The following MMD2 variants were observed in gnomAD, a reference collection of about 807,000 sequenced individuals.
The protein encoded by MMD2 is monocyte to macrophage differentiation factor 2.
MMD2 carries 30 observed loss-of-function variants against 33.5 expected under a neutral mutation model. The ratio of observed to expected loss-of-function variants is 0.90; its 90% CI spans 0.67 to 1.22. MMD2 has a LOEUF of 1.22. Ranked by LOEUF, MMD2 falls within the 50% of genes most tolerant of loss-of-function variation. The probability of loss-of-function intolerance (pLI) is 0.00; values close to 1 mark genes in which losing one functional copy is unlikely to be tolerated. For missense variants in MMD2, 364 were observed against 325.4 expected (o/e 1.12, Z -0.91); for synonymous variants, 129 against 123.0 (o/e 1.05, Z -0.32).
the MMD2 span, among the ~76,000 whole-genome samples, chr7:4,896,288 T>C: frequency 6.6e-6 from 1 of 152,122 alleles, no homozygotes; most frequent in South Asian, 2.1e-4. Flanking sequence ...GAGACCAGCC[T>C]GGGCAACATG....
intron 6 of MMD2, 115 bp from the exon 7 acceptor site, chr7:4,907,714 A>T (rs747616273): frequency 3.1e-5 from 29 of 928,126 alleles, no homozygotes; most frequent in Non-Finnish European, 4.5e-5. Context: ...AAACCAGCCC[A>T]GACTCCCAGG....
intron 1 of MMD2, among the ~76,000 whole-genome samples, chr7:4,949,479 C>T (rs752098224): frequency 1.3e-5 from 2 of 151,880 alleles, no homozygotes; most frequent in Non-Finnish European, 2.9e-5. Context: ...AGAATGATCT[C>T]CAGTTCCATC....
chr7:4,899,531 G>A, the MMD2 span, among the ~76,000 whole-genome samples: 2 of 152,036 alleles, frequency 1.3e-5, no homozygotes, highest in African/African-American at 2.4e-5. Flanking sequence ...GGGATTACAG[G>A]CATAAGCCAC....
intron 1 of MMD2, among the ~76,000 whole-genome samples, chr7:4,953,670 C>T (rs1021921596): frequency 6.6e-6 from 1 of 151,704 alleles, no homozygotes; most frequent in Non-Finnish European, 1.5e-5. Context: ...AGGGTTTCAC[C>T]ATGTTGGTCA....
the MMD2 span, among the ~76,000 whole-genome samples, chr7:4,898,015 G>A: frequency 1.3e-4 from 20 of 152,170 alleles, no homozygotes; most frequent in African/African-American, 4.6e-4. Flanking sequence ...TGGGATTACA[G>A]GTGTGAGCCA....
At chr7:4,918,161 A>C (rs929225999) in intron 3 of MMD2, among the ~76,000 whole-genome samples, 2 of 152,174 alleles carry the variant, frequency 1.3e-5, no homozygotes, top group Admixed American at 6.6e-5. Context: ...CACAGACTGG[A>C]GCCACACAGC....
chr7:4,921,743 T>C (rs1224490025), intron 2 of MMD2, among the ~76,000 whole-genome samples: 3 of 151,214 alleles, frequency 2.0e-5, no homozygotes, highest in Non-Finnish European at 2.9e-5. Context: ...AGGAAAGAGG[T>C]ATCCCGCTAG....
chr7:4,935,373 G>A (rs560572534), intron 1 of MMD2, among the ~76,000 whole-genome samples: 6 of 150,782 alleles, frequency 4.0e-5, no homozygotes, highest in African/African-American at 1.5e-4. Context: ...AAATACTGAC[G>A]ACTGGGCTCC....
Position 4,939,213 on chromosome 7 carries a change from C to CA in MMD2, c.48-13682dup, listed in dbSNP as rs537928057. On this transcript the variant is annotated intron_variant, in intron 1 of 6. Coordinates refer to ENST00000401401, the MANE Select transcript of MMD2 (RefSeq NM_198403.4). ...CGAGACTCCGTCTCAAAAAAAAACCCAAAAAAAACAAAGTTGAGGAGGGGA... is the reference window on the plus strand; with the variant it reads ...CGAGACTCCGTCTCAAAAAAAAACCCAAAAAAAAACAAAGTTGAGGAGGGGA... 2.6e-4 allele frequency among the ~76,000 whole-genome samples: 38 copies of CA among 145,940 alleles called. No individual in the cohort carries two copies. In the South Asian group the frequency reaches 2.7e-3, roughly 10 times the overall value.
chr7:4,903,054 A>G (rs995764816), downstream of MMD2, among the ~76,000 whole-genome samples: 3 of 152,226 alleles, frequency 2.0e-5, no homozygotes, highest in African/African-American at 4.8e-5. Flanking sequence ...CCTGGCCAAC[A>G]TGGTGAAACC....
At chr7:4,913,718 C>T (rs1223030327) in intron 4 of MMD2, among the ~76,000 whole-genome samples, 1 of 87,408 alleles carries the variant, frequency 1.1e-5, no homozygotes, top group Non-Finnish European at 2.0e-5. Context: ...AACTCTATCT[C>T]GGCAAAAAAA....
At chr7:4,939,607 T>G (rs770330719) in intron 1 of MMD2, among the ~76,000 whole-genome samples, 19 of 152,108 alleles carry the variant, frequency 1.2e-4, no homozygotes, top group Non-Finnish European at 2.6e-4. Flanking sequence ...CATAGAAATA[T>G]TCACACAATG....
At position 4,906,428 on chromosome 7, in the gene MMD2, G is replaced by C. The variant is rs1041350680; in HGVS notation, c.*968C>G. 3 of 398,510 alleles carry C rather than the reference G, an allele frequency of 7.5e-6. No individual in the cohort carries two copies. The highest frequency in any genetic ancestry group is 1.3e-5 in the Non-Finnish European group (3 of 226,088). 24.7% of individuals were successfully genotyped at this position (398,510 alleles called of 1,614,324 possible). A position where few individuals can be genotyped will look rare whatever the true frequency, so the allele number is the denominator to read the frequency against. On this transcript the variant is annotated 3_prime_UTR_variant, in exon 7 of 7. Coordinates refer to ENST00000401401, the MANE Select transcript of MMD2 (RefSeq NM_198403.4). ...ACAGCCACTGATTGGCACCAAGAGA[G>C]AATCCAAATGTTGGCATCACAAACC...
intron 1 of MMD2, among the ~76,000 whole-genome samples, chr7:4,930,046 T>C (rs1465884731): frequency 7.2e-6 from 1 of 138,074 alleles, no homozygotes; most frequent in Non-Finnish European, 1.6e-5. Flanking sequence ...GAGGCGGGCA[T>C]ATTACAAGGT....
chr7:4,954,908 G>A lies in MMD2; in HGVS notation c.47+4063C>T, dbSNP rs575782298. 2.0e-4 allele frequency among the ~76,000 whole-genome samples: 30 copies of A among 152,214 alleles called. No individual in the cohort carries two copies. In the South Asian group the frequency reaches 5.8e-3, roughly 29 times the overall value. ...AAAGTGTCTTTTCTGTATGGTGTGA[G>A]GTAGGGTTCCTATTCCACTGTTCTC... is the stretch of plus-strand genomic sequence containing the variant. On this transcript the variant is annotated intron_variant, in intron 1 of 6. Transcript: ENST00000401401.
chr7:4,944,695 TC>T (rs1208813555), intron 1 of MMD2, among the ~76,000 whole-genome samples: 1 of 151,946 alleles, frequency 6.6e-6, no homozygotes, highest in Non-Finnish European at 1.5e-5. Context: ...CTACTTCTGG[TC>T]TTTTCAGTCC....
intron 3 of MMD2, among the ~76,000 whole-genome samples, chr7:4,917,621 G>A (rs1476159970): frequency 6.6e-6 from 1 of 152,098 alleles, no homozygotes; most frequent in Non-Finnish European, 1.5e-5. Context: ...GAACCTGGGA[G>A]GCGGAGCTTG....
intron 4 of MMD2, among the ~76,000 whole-genome samples, chr7:4,913,313 A>G (rs1216758363): frequency 2.6e-5 from 4 of 152,200 alleles, no homozygotes; most frequent in Non-Finnish European, 5.9e-5. Context: ...CTTGACTTCA[A>G]AAGAAGAAAA....
the MMD2 span, among the ~76,000 whole-genome samples, chr7:4,900,450 C>G: frequency 6.6e-6 from 1 of 151,978 alleles, no homozygotes; most frequent in African/African-American, 2.4e-5. Flanking sequence ...ATTAGCTCTC[C>G]AAAAACAGGA....
Sources: gnomAD v4.1 joint callset for allele counts (sites outside exome capture counted in the v4.1 genomes callset) on GRCh38, gnomAD v4.1.1 for gene constraint, MANE v1.5 for transcripts, NCBI Gene and HGNC (gene_info 2026-07-23, HGNC 2026-07-21) for gene names.